The following STX7 variants were observed in gnomAD, a reference collection of about 807,000 sequenced individuals.
STX7 encodes syntaxin-7.
Under a neutral mutation model 39.6 loss-of-function variants are expected in STX7, and 34 were observed. That is an observed-to-expected ratio of 0.86 (90% CI 0.65 to 1.14). The LOEUF (loss-of-function observed/expected upper bound fraction) is 1.14, where lower values mean the gene tolerates loss of function less well. Among genes scored for constraint, STX7 ranks in the 50% most tolerant of loss-of-function variants. STX7 has a pLI of 0.00. For missense variants in STX7, 284 were observed against 310.4 expected, an observed-to-expected ratio of 0.92 and a Z score of 0.64; for synonymous variants, 119 against 99.1, an observed-to-expected ratio of 1.20 and a Z score of -1.19.
intron 8 of STX7, among the ~76,000 whole-genome samples, chr6:132,467,937 A>T (rs1010671415): frequency 6.6e-6 from 1 of 152,186 alleles, no homozygotes; most frequent in Non-Finnish European, 1.5e-5. Context: ...ATACTACTAA[A>T]TTCATCTACC....
In STX7 at chr6:132,451,166, C is replaced by G. The variant is rs1774128887; in HGVS notation, c.*9592G>C. 6.6e-6 allele frequency: 1 copy of G among 150,908 alleles called. No individual in the cohort carries two copies. The highest frequency in any genetic ancestry group is 1.5e-5 in the Non-Finnish European group (1 of 67,904). The allele number at this position is 150,908 out of a possible 1,614,324, so 9.3% of individuals were successfully genotyped here. A position where few individuals can be genotyped will look rare whatever the true frequency, so the allele number is the denominator to read the frequency against. ...AGACTGGAGTACAGTGGTGCGATCT[C>G]AGCTCACTGTAATCTCCGCCTACGG... On this transcript the variant is annotated 3_prime_UTR_variant, in exon 10 of 10. Transcript: ENST00000367941.
At chr6:132,486,322 T>C (rs190759713) in intron 2 of STX7, among the ~76,000 whole-genome samples, 79 of 152,348 alleles carry the variant, frequency 5.2e-4, no homozygotes, top group African/African-American at 1.6e-3. Context: ...CTTTCACCAT[T>C]AAGTGTGACA....
rs1407757861 is a variant in STX7 at position 132,449,958 on chromosome 6, A to G, written c.*10800T>C. The G allele has an allele frequency of 6.6e-6, 1 of 152,204 alleles. No homozygotes were observed. Among genetic ancestry groups the G allele is most frequent in the Non-Finnish European group, 1.5e-5 (1 of 68,042 alleles). 9.4% of individuals were successfully genotyped at this position (152,204 alleles called of 1,614,324 possible). ...GGGATTTTCATCCACTTCTTAGAGT[A>G]ACCACCAGAGTCCACTGACTTAGGA... On this transcript the variant is annotated 3_prime_UTR_variant, in exon 10 of 10. Coordinates refer to ENST00000367941, the MANE Select transcript of STX7 (RefSeq NM_003569.3).
At chr6:132,505,631 T>C (rs907121920) in intron 1 of STX7, among the ~76,000 whole-genome samples, 6 of 151,428 alleles carry the variant, frequency 4.0e-5, no homozygotes, top group Non-Finnish European at 8.8e-5. Context: ...CAGGTAGCCT[T>C]GGACTTGGGC....
chr6:132,503,691 A>G (rs752883475), intron 1 of STX7, 103 bp from the exon 2 acceptor site: 1 of 512,604 alleles, frequency 2.0e-6, no homozygotes, highest in Non-Finnish European at 3.4e-6. Context: ...GATTAATCTA[A>G]TAGAGTTGAA....
At chr6:132,471,340 A>C in intron 5 of STX7, 123 bp downstream of exon 5, 3 of 1,125,900 alleles carry the variant, frequency 2.7e-6, no homozygotes, top group Non-Finnish European at 3.7e-6. Flanking sequence ...ATAAATATTC[A>C]AGAGCTGATT....
chr6:132,450,135 C>T lies in STX7; in HGVS notation c.*10623G>A, dbSNP rs1774108004. 6.6e-6 allele frequency: 1 copy of T among 152,106 alleles called. No individual in the cohort carries two copies. Among genetic ancestry groups the T allele is most frequent in the Non-Finnish European group, 1.5e-5 (1 of 68,022 alleles). 9.4% of individuals were successfully genotyped at this position (152,106 alleles called of 1,614,324 possible). A position where few individuals can be genotyped will look rare whatever the true frequency, so the allele number is the denominator to read the frequency against. On this transcript the variant is annotated 3_prime_UTR_variant, in exon 10 of 10. Transcript: ENST00000367941. ...TTTAGCCCACTCTCATTGGTAATAGCCTTTAGTGATTATCTTTCTTTCTAA... is the reference window on the plus strand; with the variant it reads ...TTTAGCCCACTCTCATTGGTAATAGTCTTTAGTGATTATCTTTCTTTCTAA...
intron 2 of STX7, among the ~76,000 whole-genome samples, chr6:132,487,161 T>C (rs1775156892): frequency 6.6e-6 from 1 of 152,234 alleles, no homozygotes; most frequent in African/African-American, 2.4e-5. Flanking sequence ...AATTTCTTGA[T>C]ATAGAGCTAG....
intron 1 of STX7, among the ~76,000 whole-genome samples, chr6:132,508,635 G>A (rs542017597): frequency 2.0e-5 from 3 of 152,132 alleles, no homozygotes; most frequent in East Asian, 1.9e-4. Context: ...TCAGCATCCC[G>A]AGTAGCTGGG....
rs1399122922 is a variant in STX7 at position 132,481,190 on chromosome 6, T to C, written c.86-5528A>G. ...AGCTTAGGTATGAAAAAAGGAGGCGTGTTCACTGTAGAAAACAAAAGGGAT... is the reference window on the plus strand; with the variant it reads ...AGCTTAGGTATGAAAAAAGGAGGCGCGTTCACTGTAGAAAACAAAAGGGAT... On this transcript the variant is annotated intron_variant, in intron 2 of 9. Coordinates refer to ENST00000367941, the MANE Select transcript of STX7 (RefSeq NM_003569.3). 3.3e-5 allele frequency among the ~76,000 whole-genome samples: 5 copies of C among 152,252 alleles called. No homozygotes were observed. In the East Asian group the frequency reaches 7.7e-4, roughly 24 times the overall value.
At chr6:132,495,398 A>G (rs1045368031) in intron 2 of STX7, among the ~76,000 whole-genome samples, 2 of 152,210 alleles carry the variant, frequency 1.3e-5, no homozygotes, top group African/African-American at 4.8e-5. Flanking sequence ...AAGTGGGGGA[A>G]AAAACCATCC....
intron 2 of STX7, among the ~76,000 whole-genome samples, chr6:132,500,978 C>T (rs1023429184): frequency 6.6e-6 from 1 of 152,116 alleles, no homozygotes; most frequent in South Asian, 2.1e-4. Flanking sequence ...TCATGCAGGA[C>T]ATATGGCTTC....
intron 3 of STX7, among the ~76,000 whole-genome samples, chr6:132,474,541 T>C (rs1348294106): frequency 1.3e-5 from 2 of 152,150 alleles, no homozygotes; most frequent in Non-Finnish European, 2.9e-5. Context: ...CTATAGTTAA[T>C]GTTGTTTAGA....
chr6:132,460,449 C>T lies in STX7; in HGVS notation c.*309G>A, dbSNP rs1774361058. The T allele has an allele frequency of 5.2e-6, 1 of 191,666 alleles. No homozygotes were observed. Among genetic ancestry groups the T allele is most frequent in the South Asian group, 1.5e-4 (1 of 6,520 alleles). 11.9% of individuals were successfully genotyped at this position (191,666 alleles called of 1,614,324 possible). ...CACACACCTTTAAATTTACGAATTCCCAAAACTAAGTCAAGCAGGGTAAAT... is the reference window on the plus strand; with the variant it reads ...CACACACCTTTAAATTTACGAATTCTCAAAACTAAGTCAAGCAGGGTAAAT... On this transcript the variant is annotated 3_prime_UTR_variant, in exon 10 of 10. Transcript: ENST00000367941.
At chr6:132,479,872 G>A (rs1020403656) in intron 2 of STX7, among the ~76,000 whole-genome samples, 3 of 151,968 alleles carry the variant, frequency 2.0e-5, no homozygotes, top group African/African-American at 7.3e-5. Context: ...ATTTTCTATG[G>A]CTAATTATCT....
At chr6:132,502,687 C>T (rs1775601562) in intron 2 of STX7, among the ~76,000 whole-genome samples, 1 of 152,156 alleles carries the variant, frequency 6.6e-6, no homozygotes, top group Admixed American at 6.5e-5. Context: ...ATCACGAAGT[C>T]AGGAGATCGA....
chr6:132,469,912 G>T, intron 7 of STX7, 39 bp downstream of exon 7: 2 of 1,516,038 alleles, frequency 1.3e-6, no homozygotes, highest in South Asian at 1.2e-5. Context: ...AACTCACTAA[G>T]ACCAGAGCAG....
intron 2 of STX7, among the ~76,000 whole-genome samples, chr6:132,489,220 A>AAC (rs1254361346): frequency 3.7e-4 from 54 of 145,406 alleles, no homozygotes; most frequent in African/African-American, 1.3e-3. Context: ...AAAAAAAAAA[A>AAC]AAAAAGGATG....
intron 3 of STX7, among the ~76,000 whole-genome samples, chr6:132,474,227 CA>C (rs67939950): frequency 3.8e-3 from 263 of 69,904 alleles, no homozygotes; most frequent in Middle Eastern, 9.8e-3. Context: ...GATCCTGTCT[CA>C]AAAAAAAAAA....
Sources: gnomAD v4.1 joint callset for allele counts (sites outside exome capture counted in the v4.1 genomes callset) on GRCh38, gnomAD v4.1.1 for gene constraint, MANE v1.5 for transcripts, NCBI Gene and HGNC (gene_info 2026-07-23, HGNC 2026-07-21) for gene names.